The following CATSPER2 variants were observed in gnomAD, a reference collection of about 807,000 sequenced individuals.
CATSPER2 encodes cation channel sperm-associated protein 2.
CATSPER2 carries 56 observed loss-of-function variants against 68.8 expected under a neutral mutation model. The ratio of observed to expected loss-of-function variants is 0.81; its 90% confidence interval spans 0.66 to 1.02. CATSPER2 has a LOEUF of 1.02. Among genes scored for constraint, CATSPER2 ranks in the 50% least tolerant of loss-of-function variants. CATSPER2 has a pLI of 0.00. For synonymous variants in CATSPER2, 198 were observed against 229.9 expected, an observed-to-expected ratio of 0.86 and a Z score of 1.26; for missense variants, 582 against 642.0, an observed-to-expected ratio of 0.91 and a Z score of 1.01.
At chr15:43,635,683 A>G in intron 9 of CATSPER2, 44 bp downstream of exon 9, 1 of 1,554,108 alleles carries the variant, frequency 6.4e-7, no homozygotes, top group East Asian at 2.2e-5. Context: ...GAGCTCAGGA[A>G]ACCCTTGAGA....
rs750335864 is a variant in CATSPER2, at chr15:43,638,885, T to C, written c.842+19A>G. On this transcript the variant is annotated intron_variant, in intron 7 of 12. Coordinates refer to ENST00000396879, the MANE Select transcript of CATSPER2 (RefSeq NM_172095.4). ...GCCAAATTTTCTCCCCTCACCCAGC[T>C]GTCCCCAGCTCTGCTTACGAGAAGA... is the stretch of plus-strand genomic sequence containing the variant. 2 of 1,612,328 alleles carry C rather than the reference T, an allele frequency of 1.2e-6. No individual in the cohort carries two copies. Among genetic ancestry groups the C allele is most frequent in the African/African-American group, 1.3e-5 (1 of 74,796 alleles).
chr15:43,642,132 G>A lies in CATSPER2; in HGVS notation c.389-1636C>T, dbSNP rs569000873. On this transcript the variant is annotated intron_variant, in intron 4 of 12. Transcript: ENST00000396879. ...TTTTTTTTCTTTGAGACACAGTCTC[G>A]CTCTGTTGCCAAGATGGAGTGCAGT... Among the ~76,000 whole-genome samples, 3 of 149,580 alleles carry A rather than the reference G, an allele frequency of 2.0e-5. 1 individual carries two copies. The highest frequency in any genetic ancestry group is 7.5e-5 in the African/African-American group (3 of 40,242).
In CATSPER2 at chr15:43,640,511, C is replaced by T. The variant is rs1335420549; in HGVS notation, c.389-15G>A. On this transcript the variant is annotated splice_polypyrimidine_tract_variant and intron_variant, in intron 4 of 12. Transcript: ENST00000396879. ...TTCCAGCAATTCTGTGAAGATAGAGCAAAGGAGGAATAAAAGTTAAGGAAG... is the reference window on the plus strand; with the variant it reads ...TTCCAGCAATTCTGTGAAGATAGAGTAAAGGAGGAATAAAAGTTAAGGAAG... The T allele has an allele frequency of 1.2e-6, 2 of 1,612,880 alleles. No individual in the cohort carries two copies. Among genetic ancestry groups the T allele is most frequent in the Non-Finnish European group, 8.5e-7 (1 of 1,179,304 alleles).
rs2086017132 is a variant in CATSPER2 at position 43,638,928 on chromosome 15, T to C, written c.818A>G (p.Asp273Gly). 10 of 1,613,036 alleles carry C rather than the reference T, an allele frequency of 6.2e-6. No individual in the cohort carries two copies. Among genetic ancestry groups the C allele is most frequent in the Non-Finnish European group, 8.5e-6 (10 of 1,179,510 alleles). Reference protein sequence around the residue: ...FSEYTRSPRQDLEYHVFFSDL... With the variant: ...FSEYTRSPRQGLEYHVFFSDL... ...CGAGAAGAACACATGGTACTCCAGG[T>C]CCTGACGAGGTGAACGGGTGTACTC... Residue 273 changes from aspartate to glycine, a missense_variant, in exon 7 of 13, where the codon GAC becomes GGC. Around this residue, in one of 5 missense-constraint regions of CATSPER2, gnomAD observed 91 missense variants for 72.8 expected, o/e 1.25. Coordinates refer to ENST00000396879, the MANE Select transcript of CATSPER2 (RefSeq NM_172095.4).
chr15:43,648,538 T>C, intron 1 of CATSPER2, 91 bp downstream of exon 1: 4 of 1,239,586 alleles, frequency 3.2e-6, no homozygotes, highest in East Asian at 5.8e-5. Flanking sequence ...GCCTGACATT[T>C]TGAAAATGGG....
At chr15:43,638,856 C>G (rs2086015274) in intron 7 of CATSPER2, 48 bp downstream of exon 7, 1 of 1,609,086 alleles carries the variant, frequency 6.2e-7, no homozygotes, top group Non-Finnish European at 8.5e-7. Flanking sequence ...TTCCTGGTCT[C>G]TTAGCCAAAT....
chr15:43,635,032 A>T (rs544013923), intron 10 of CATSPER2: 1 of 363,280 alleles, frequency 2.8e-6, no homozygotes, highest in Admixed American at 4.3e-5. Flanking sequence ...CCGTCTTCAC[A>T]TCGCCTTCTC....
intron 8 of CATSPER2, 103 bp downstream of exon 8, chr15:43,635,938 G>A: frequency 8.2e-7 from 1 of 1,215,560 alleles, no homozygotes; most frequent in Admixed American, 2.0e-5. Flanking sequence ...AAGCCTTCCT[G>A]CTACACTAGG....
rs573081438 is a variant in CATSPER2 at position 43,628,824 on chromosome 15, G to A, written c.*1877C>T. On this transcript the variant is annotated 3_prime_UTR_variant, in exon 13 of 13. Transcript: ENST00000396879. ...GGATATCTTTAGAGGAGTGGAGGTT[G>A]ACTTACCTGCAGTTAATGCCCAAAT... The A allele has an allele frequency of 6.9e-6, 1 of 144,344 alleles. No homozygotes were observed. Among genetic ancestry groups the A allele is most frequent in the East Asian group, 2.0e-4 (1 of 5,064 alleles). 8.9% of individuals were successfully genotyped at this position (144,344 alleles called of 1,614,324 possible).
chr15:43,629,625 A>T lies in CATSPER2; in HGVS notation c.*1076T>A, dbSNP rs2085845427. The T allele has an allele frequency of 4.8e-5, 7 of 145,530 alleles. No homozygotes were observed. Among genetic ancestry groups the T allele is most frequent in the Admixed American group, 4.8e-4 (7 of 14,626 alleles). 9.0% of individuals were successfully genotyped at this position (145,530 alleles called of 1,614,324 possible). On this transcript the variant is annotated 3_prime_UTR_variant, in exon 13 of 13. Coordinates refer to ENST00000396879, the MANE Select transcript of CATSPER2 (RefSeq NM_172095.4). ...GATCCCTTCTAGATAATAAATCCCA[A>T]ATAACTAGAAACATTAAGCATTACC...
intron 10 of CATSPER2, chr15:43,634,667 C>A (rs1048569248): frequency 2.0e-5 from 3 of 152,806 alleles, no homozygotes; most frequent in African/African-American, 7.3e-5. Context: ...GTATAATCCA[C>A]CTCATCTAGC....
Position 43,647,122 on chromosome 15 carries a change from T to C in CATSPER2, c.320-4A>G, listed in dbSNP as rs374835302. On this transcript the variant is annotated splice_region_variant and splice_polypyrimidine_tract_variant and intron_variant, in intron 3 of 12. Transcript: ENST00000396879. ...ATGAAGTTTTTGAAGAGAGGACCTGTTGTCTCTTAAGGAAATGTACAGAGT... is the reference window on the plus strand; with the variant it reads ...ATGAAGTTTTTGAAGAGAGGACCTGCTGTCTCTTAAGGAAATGTACAGAGT... The C allele has an allele frequency of 3.0e-5, 48 of 1,610,544 alleles. No individual in the cohort carries two copies. The highest frequency in any genetic ancestry group is 3.6e-5 in the Non-Finnish European group (42 of 1,176,966).
At position 43,647,966 on chromosome 15, in the gene CATSPER2, C is replaced by A; in HGVS notation, c.96G>T (p.Leu32Phe). 6.2e-7 allele frequency: 1 copy of A among 1,613,678 alleles called. No individual in the cohort carries two copies. The highest frequency in any genetic ancestry group is 8.5e-7 in the Non-Finnish European group (1 of 1,179,794). The change falls in exon 2 of 13, where the codon TTG becomes TTT. Residue 32 changes from leucine to phenylalanine, a missense_variant. Coordinates refer to ENST00000396879, the MANE Select transcript of CATSPER2 (RefSeq NM_172095.4). ...LIDTFSLIEH[L>F]QGLSQAVPRH... ...GCGGCACAGCTTGGCTCAAGCCTTGCAAATGCTCAATGAGAGAGAAAGTAT... is the reference window on the plus strand; with the variant it reads ...GCGGCACAGCTTGGCTCAAGCCTTGAAAATGCTCAATGAGAGAGAAAGTAT...
chr15:43,633,375 A>G, intron 10 of CATSPER2: 1 of 225,076 alleles, frequency 4.4e-6, no homozygotes, highest in Admixed American at 5.2e-5. Context: ...AAGTCCCTAC[A>G]ATGGCACCCA....
At chr15:43,648,576 A>C (rs1366910071) in intron 1 of CATSPER2, 53 bp downstream of exon 1, 1 of 1,360,938 alleles carries the variant, frequency 7.3e-7, no homozygotes, top group Non-Finnish European at 9.5e-7. Context: ...CCACTCCAAC[A>C]CTCCTTCGGG....
chr15:43,638,577 G>A (rs1412059486), intron 7 of CATSPER2, among the ~76,000 whole-genome samples: 9 of 151,686 alleles, frequency 5.9e-5, no homozygotes, highest in Non-Finnish European at 1.0e-4. Flanking sequence ...GTGAGCCACC[G>A]CGCCCTGCCC....
In CATSPER2 at chr15:43,628,856, T is replaced by G. The variant is rs1450614008; in HGVS notation, c.*1845A>C. ...CTGCAGTTAATGCCCAAATTTTAAG[T>G]GTACATTTTGTTGAATTTTTACATC... On this transcript the variant is annotated 3_prime_UTR_variant, in exon 13 of 13. Transcript: ENST00000396879. 1.4e-5 allele frequency: 2 copies of G among 145,918 alleles called. No homozygotes were observed. Among genetic ancestry groups the G allele is most frequent in the African/African-American group, 2.7e-5 (1 of 37,244 alleles). 9.0% of individuals were successfully genotyped at this position (145,918 alleles called of 1,614,324 possible).
intron 7 of CATSPER2, 125 bp downstream of exon 7, chr15:43,638,779 C>T: frequency 8.8e-7 from 1 of 1,129,994 alleles, no homozygotes; most frequent in Non-Finnish European, 1.3e-6. Context: ...TTCCCTCTCC[C>T]TATTGTGTTC....
rs547178664 is a variant in CATSPER2, at chr15:43,630,643, C to T, written c.*58G>A. ...GTTTATATTTTCAATTCTCTATTTC[C>T]AACAATTCCCTTCATTATCTTTTGC... On this transcript the variant is annotated 3_prime_UTR_variant, in exon 13 of 13. Coordinates refer to ENST00000396879, the MANE Select transcript of CATSPER2 (RefSeq NM_172095.4). 3.7e-6 allele frequency: 6 copies of T among 1,608,410 alleles called. No homozygotes were observed. The highest frequency in any genetic ancestry group is 2.7e-5 in the African/African-American group (2 of 74,812).
Sources: allele counts gnomAD v4.1 joint callset (sites outside exome capture counted in the v4.1 genomes callset), GRCh38; gene constraint gnomAD v4.1.1; regional missense constraint gnomAD v4.1.1; transcripts MANE v1.5; gene names NCBI Gene and HGNC (gene_info 2026-07-23, HGNC 2026-07-21).